ATG4A: variants seen among roughly 807,000 people sequenced by gnomAD.
ATG4A encodes autophagy related 4A cysteine peptidase.
In ATG4A, 22 loss-of-function variants were observed where a neutral mutation model predicts 38.4. That is an observed-to-expected ratio of 0.57 (90% CI 0.41 to 0.82). The LOEUF (loss-of-function observed/expected upper bound fraction) is 0.82. Ranked by LOEUF, ATG4A falls within the 40% of genes least tolerant of loss-of-function variation. The pLI, the probability that ATG4A is intolerant of heterozygous loss-of-function variation, is 0.00. For synonymous variants in ATG4A, 86 were observed against 100.7 expected (o/e 0.85, Z 0.88); for missense variants, 220 against 290.0 (o/e 0.76, Z 1.75).
At chrX:108,144,823 A>G (rs975457940) in intron 9 of ATG4A, among the ~76,000 whole-genome samples, 7 of 112,340 alleles carry the variant, frequency 6.2e-5, no homozygotes, top group Non-Finnish European at 9.4e-5. Flanking sequence ...ACCATTGACT[A>G]TAGTCTATGA....
Position 108,102,826 on chromosome X carries a change from C to CT in ATG4A, c.10+10999dup, listed in dbSNP as rs747785654. On this transcript the variant is annotated intron_variant, in intron 1 of 12. Transcript: ENST00000372232. ...GGGAGTTGGGCTGGATCTTTGCCCC[C>CT]TTTTTTTTTCAAAAACTTTTAAGTT... 3.4e-3 allele frequency among the ~76,000 whole-genome samples: 365 copies of CT among 106,367 alleles called. 3 individuals carry two copies. The highest frequency in any genetic ancestry group is 0.022 in the Admixed American group (222 of 9,931). 92.4% of individuals were successfully genotyped at this position (106,367 alleles called of 115,157 possible).
chrX:108,089,114 C>G (rs746407633), upstream of ATG4A, among the ~76,000 whole-genome samples: 1 of 112,464 alleles, frequency 8.9e-6, no homozygotes, highest in South Asian at 3.7e-4. Flanking sequence ...GATTTCAATG[C>G]TTTGACAGAA....
At chrX:108,089,999 G>C (rs1463081062), upstream of ATG4A, among the ~76,000 whole-genome samples, 1 of 111,644 alleles carries the variant, frequency 9.0e-6, no homozygotes, top group South Asian at 3.7e-4. Flanking sequence ...AAAAATAGAG[G>C]GAATAGAATA....
At chrX:108,132,032 G>T (rs919973925) in intron 4 of ATG4A, among the ~76,000 whole-genome samples, 3 of 111,111 alleles carry the variant, frequency 2.7e-5, no homozygotes, top group African/African-American at 9.8e-5. Flanking sequence ...CTGAGTAGCT[G>T]GGATTATAAG....
chrX:108,146,756 T>G lies in ATG4A; in HGVS notation c.815-3396T>G, dbSNP rs191847057. Among the ~76,000 whole-genome samples, 13 of 111,901 alleles carry G rather than the reference T, an allele frequency of 1.2e-4. 1 individual carries two copies. The highest frequency in any genetic ancestry group is 1.1e-3 in the Admixed American group (12 of 10,575). ...CTCCCTAAGCCTTTGGATCCCTTCC[T>G]CTACATAAAACCAAGGGAGATCAGG... On this transcript the variant is annotated intron_variant, in intron 9 of 12. Coordinates refer to ENST00000372232, the MANE Select transcript of ATG4A (RefSeq NM_052936.5).
chrX:108,091,534 CA>C (rs1331563010), upstream of ATG4A: 26 of 1,200,293 alleles, frequency 2.2e-5, no homozygotes, highest in Non-Finnish European at 2.9e-5. Flanking sequence ...GCTGTCCCAG[CA>C]ACTACTTGTC....
rs1441354855 is a variant in ATG4A at position 108,148,003 on chromosome X, G to A, written c.815-2149G>A. On this transcript the variant is annotated intron_variant, in intron 9 of 12. Coordinates refer to ENST00000372232, the MANE Select transcript of ATG4A (RefSeq NM_052936.5). ...CTGTATCAGTCAGGATTCTCTAGAG[G>A]GACAGAACTAATGGAAAATATATAT... Among the ~76,000 whole-genome samples, 6 of 78,343 alleles carry A rather than the reference G, an allele frequency of 7.7e-5. No homozygotes were observed. The Admixed American group carries it at 7.9e-4, about 10-fold the overall frequency. 68.0% of individuals were successfully genotyped at this position (78,343 alleles called of 115,157 possible).
At chrX:108,121,639 T>G (rs756708691) in intron 1 of ATG4A, among the ~76,000 whole-genome samples, 71 of 111,580 alleles carry the variant, frequency 6.4e-4, no homozygotes, top group African/African-American at 2.2e-3. Context: ...CTTTTCTAGG[T>G]TGTAGAAAGC....
chrX:108,094,476 C>G (rs888518480), intron 1 of ATG4A, among the ~76,000 whole-genome samples: 1 of 110,814 alleles, frequency 9.0e-6, no homozygotes, highest in South Asian at 3.8e-4. Context: ...TACCACATTA[C>G]GTTTAGTCAT....
upstream of ATG4A, among the ~76,000 whole-genome samples, chrX:108,089,979 T>A (rs1018983215): frequency 6.2e-5 from 7 of 112,183 alleles, no homozygotes; most frequent in African/African-American, 2.3e-4. Flanking sequence ...TACAAAAAAA[T>A]TTCAAACACA....
chrX:108,115,421 C>T (rs2032480217), intron 1 of ATG4A, among the ~76,000 whole-genome samples: 1 of 111,511 alleles, frequency 9.0e-6, no homozygotes, highest in South Asian at 3.7e-4. Flanking sequence ...TGCCTCCTCC[C>T]AGGTAATACC....
chrX:108,134,189 G>T (rs2033037633), intron 5 of ATG4A, 31 bp downstream of exon 5: 4 of 1,159,332 alleles, frequency 3.5e-6, no homozygotes, highest in Non-Finnish European at 4.7e-6. Flanking sequence ...TTTAAAGGCA[G>T]TGCCTATTCC....
At chrX:108,150,103 G>C in intron 9 of ATG4A, 49 bp from the exon 10 acceptor site, 1 of 1,194,704 alleles carries the variant, frequency 8.4e-7, no homozygotes. Flanking sequence ...ACAGCAGTGG[G>C]CCAGGACCGG....
chrX:108,125,294 TATC>T (rs1300163425), intron 1 of ATG4A, among the ~76,000 whole-genome samples: 1 of 109,843 alleles, frequency 9.1e-6, no homozygotes, highest in Non-Finnish European at 1.9e-5. Flanking sequence ...AAGATGCTCT[TATC>T]ACCCAGGAAA....
intron 4 of ATG4A, 122 bp downstream of exon 4, chrX:108,131,480 C>A: frequency 1.5e-6 from 1 of 645,967 alleles, no homozygotes; most frequent in South Asian, 3.0e-5. Context: ...TCTTAAAATG[C>A]TCTCTGCAAG....
intron 1 of ATG4A, among the ~76,000 whole-genome samples, chrX:108,121,842 A>G (rs2032659983): frequency 8.9e-6 from 1 of 111,990 alleles, no homozygotes; most frequent in South Asian, 3.7e-4. Flanking sequence ...CATAGTAGGT[A>G]TACTCTATAA....
At chrX:108,131,128 G>A in intron 3 of ATG4A, 132 bp from the exon 4 acceptor site, 1 of 579,936 alleles carries the variant, frequency 1.7e-6, no homozygotes, top group East Asian at 3.3e-5. Context: ...TGTTTGATCT[G>A]TGGGTGTATC....
intron 4 of ATG4A, among the ~76,000 whole-genome samples, 163 bp downstream of exon 4, chrX:108,131,521 G>T (rs937367581): frequency 5.4e-5 from 6 of 112,117 alleles, no homozygotes; most frequent in Non-Finnish European, 9.4e-5. Flanking sequence ...AGTCAACAAA[G>T]CCCCTCATAA....
At chrX:108,141,146 G>A (rs773462441) in intron 9 of ATG4A, among the ~76,000 whole-genome samples, 1 of 82,595 alleles carries the variant, frequency 1.2e-5, no homozygotes, top group South Asian at 6.5e-4. Context: ...GCTCAGTGTT[G>A]GTCTGTGCTG....
Sources: allele counts gnomAD v4.1 joint callset (sites outside exome capture counted in the v4.1 genomes callset), GRCh38; gene constraint gnomAD v4.1.1; transcripts MANE v1.5; gene names NCBI Gene and HGNC (gene_info 2026-07-23, HGNC 2026-07-21).